DLGAP1: variants seen among roughly 807,000 people sequenced by gnomAD.
DLGAP1 encodes the protein disks large-associated protein 1.
DLGAP1 carries 11 observed loss-of-function variants against 90.8 expected under a neutral mutation model. That is an observed-to-expected ratio of 0.12 (90% CI 0.08 to 0.20). DLGAP1 has a LOEUF of 0.20. Ranked by LOEUF, DLGAP1 falls within the 10% of genes least tolerant of loss-of-function variation. The pLI, the probability that DLGAP1 is intolerant of heterozygous loss-of-function variation, is 1.00. For missense variants in DLGAP1, 1,050 were observed against 1,333.8 expected (o/e 0.79, Z 3.31); for synonymous variants, 558 against 540.7 (o/e 1.03, Z -0.44).
chr18:4,325,455 A>G (rs895712541), intron 1 of DLGAP1, among the ~76,000 whole-genome samples: 1 of 152,228 alleles, frequency 6.6e-6, no homozygotes, highest in Admixed American at 6.5e-5. Context: ...TGCAGATTCA[A>G]TGCTATTCCT....
At chr18:4,031,991 G>C (rs911255933) in intron 2 of DLGAP1, among the ~76,000 whole-genome samples, 20 of 152,146 alleles carry the variant, frequency 1.3e-4, no homozygotes, top group Admixed American at 1.3e-4. Flanking sequence ...AGCATTATGA[G>C]TAACAAGCAA....
rs112256691 is a variant in DLGAP1 at position 3,944,460 on chromosome 18, C to T, written c.-73+60656G>A. On this transcript the variant is annotated intron_variant, in intron 3 of 12. Transcript: ENST00000315677. ...GAGGTTGCAGTGAGCTGAGAGATTG[C>T]ACCACTGCACTCCAGCCTGGGCTAT... 5.5e-3 allele frequency among the ~76,000 whole-genome samples: 838 copies of T among 152,214 alleles called. 9 individuals carry two copies. Among genetic ancestry groups the T allele is most frequent in the South Asian group, 0.028 (134 of 4,826 alleles).
intron 5 of DLGAP1, chr18:3,770,208 A>C (rs990389831): frequency 2.6e-5 from 4 of 152,202 alleles, no homozygotes; most frequent in African/African-American, 9.7e-5. Context: ...GGAGACAGGC[A>C]CTACTATGCA....
chr18:4,152,675 A>T (rs1423311988), intron 1 of DLGAP1, among the ~76,000 whole-genome samples: 3 of 152,226 alleles, frequency 2.0e-5, no homozygotes, highest in Non-Finnish European at 4.4e-5. Flanking sequence ...GAAACACAAC[A>T]GCCTCAGGCA....
intron 1 of DLGAP1, among the ~76,000 whole-genome samples, chr18:4,161,767 A>G (rs2076849793): frequency 6.6e-6 from 1 of 152,228 alleles, no homozygotes; most frequent in Non-Finnish European, 1.5e-5. Context: ...AGCCACTTGG[A>G]AAATGCATGC....
intron 3 of DLGAP1, among the ~76,000 whole-genome samples, chr18:3,991,836 A>G (rs1309067039): frequency 6.6e-6 from 1 of 152,244 alleles, no homozygotes; most frequent in East Asian, 1.9e-4. Flanking sequence ...ATCCCATTGT[A>G]ACTAACCACT....
chr18:4,087,108 A>ATACATATACG, intron 2 of DLGAP1, among the ~76,000 whole-genome samples: 1 of 121,504 alleles, frequency 8.2e-6, no homozygotes, highest in Non-Finnish European at 1.8e-5. Context: ...TATGTGCTAT[A>ATACATATACG]TATATATACA....
chr18:4,171,527 T>C (rs1478604051), intron 1 of DLGAP1, among the ~76,000 whole-genome samples: 1 of 147,212 alleles, frequency 6.8e-6, no homozygotes, highest in Non-Finnish European at 1.5e-5. Context: ...ATCGCACCAC[T>C]GCACTCCAGC....
At chr18:4,380,949 TAC>T (rs1336579225) in intron 1 of DLGAP1, among the ~76,000 whole-genome samples, 1 of 152,172 alleles carries the variant, frequency 6.6e-6, no homozygotes, top group Non-Finnish European at 1.5e-5. Flanking sequence ...GCAGATGTAT[TAC>T]AGTGTGAGGC....
intron 10 of DLGAP1, among the ~76,000 whole-genome samples, chr18:3,515,751 T>C (rs1653807059): frequency 8.2e-6 from 1 of 122,674 alleles, no homozygotes; most frequent in African/African-American, 3.2e-5. Context: ...CGCACTCCAA[T>C]CTGGGCAACA....
chr18:3,741,861 GAGAA>G (rs1476927571), intron 6 of DLGAP1, among the ~76,000 whole-genome samples: 1 of 147,418 alleles, frequency 6.8e-6, no homozygotes, highest in Non-Finnish European at 1.5e-5. Flanking sequence ...TTTTTTAACA[GAGAA>G]AGAGTCTTGC....
chr18:3,743,577 A>G (rs2063146701), intron 5 of DLGAP1, among the ~76,000 whole-genome samples: 1 of 151,790 alleles, frequency 6.6e-6, no homozygotes, highest in Admixed American at 6.6e-5. Context: ...GATGGTCTCG[A>G]TCTCCTGACC....
intron 1 of DLGAP1, among the ~76,000 whole-genome samples, chr18:4,174,951 A>T (rs2077082914): frequency 6.6e-6 from 1 of 152,040 alleles, no homozygotes; most frequent in Non-Finnish European, 1.5e-5. Context: ...TCATTTTTTT[A>T]TGGCTCTGTA....
intron 1 of DLGAP1, among the ~76,000 whole-genome samples, chr18:4,158,820 T>A (rs992921632): frequency 3.9e-5 from 6 of 152,132 alleles, no homozygotes; most frequent in African/African-American, 1.4e-4. Context: ...AGAAATTTAG[T>A]CTAAGGTGTG....
At chr18:4,197,790 C>T (rs945717439) in intron 1 of DLGAP1, among the ~76,000 whole-genome samples, 5 of 151,968 alleles carry the variant, frequency 3.3e-5, no homozygotes, top group Non-Finnish European at 7.4e-5. Flanking sequence ...GCTAAAACCC[C>T]GTGAATGTTA....
intron 4 of DLGAP1, among the ~76,000 whole-genome samples, chr18:3,844,459 C>T (rs1353507432): frequency 6.6e-6 from 1 of 152,140 alleles, no homozygotes; most frequent in East Asian, 1.9e-4. Flanking sequence ...AAAGCTATAT[C>T]ACAAAAAAGT....
chr18:3,631,146 A>T (rs999184387), intron 7 of DLGAP1, among the ~76,000 whole-genome samples: 3 of 150,054 alleles, frequency 2.0e-5, no homozygotes, highest in Non-Finnish European at 3.0e-5. Context: ...ACGCCCAGTT[A>T]ATTTTTTTTT....
intron 7 of DLGAP1, among the ~76,000 whole-genome samples, chr18:3,608,860 C>G (rs1231167041): frequency 6.6e-6 from 1 of 152,164 alleles, no homozygotes; most frequent in African/African-American, 2.4e-5. Flanking sequence ...TTTTTTGAGA[C>G]AGAGTCTTGC....
intron 3 of DLGAP1, among the ~76,000 whole-genome samples, chr18:3,901,243 C>A (rs1486285090): frequency 6.6e-6 from 1 of 152,150 alleles, no homozygotes; most frequent in Admixed American, 6.5e-5. Context: ...TCCTACTCAT[C>A]CTTCAAAATT....
Sources: allele counts gnomAD v4.1 joint callset (sites outside exome capture counted in the v4.1 genomes callset), GRCh38; gene constraint gnomAD v4.1.1; transcripts MANE v1.5; gene names NCBI Gene and HGNC (gene_info 2026-07-23, HGNC 2026-07-21).